Variants in TTLL1 observed in about 807,000 individuals in gnomAD.
TTLL1 encodes the protein TTL family tubulin polyglutamylase complex subunit L1, also known as polyglutamylase complex subunit TTLL1.
A neutral mutation model predicts 47.8 loss-of-function variants in TTLL1; 33 were observed. The ratio of observed to expected loss-of-function variants is 0.69; its 90% CI spans 0.52 to 0.92. TTLL1 has a LOEUF of 0.92. Ranked by LOEUF, TTLL1 falls within the 40% of genes least tolerant of loss-of-function variation. The pLI is 0.00. For missense variants in TTLL1, 488 were observed against 547.5 expected (o/e 0.89, Z 1.08); for synonymous variants, 225 against 214.1 (o/e 1.05, Z -0.45).
chr22:43,058,087 G>A (rs899188085), intron 8 of TTLL1, among the ~76,000 whole-genome samples: 1 of 151,940 alleles, frequency 6.6e-6, no homozygotes, highest in Non-Finnish European at 1.5e-5. Flanking sequence ...GGGACTACAG[G>A]CGCCCACTAC....
At chr22:43,048,330 G>GA (rs569610944) in intron 9 of TTLL1, among the ~76,000 whole-genome samples, 2,197 of 140,998 alleles carry the variant, frequency 0.016, 39 homozygotes, top group South Asian at 0.051. Context: ...AAAAAAGAAA[G>GA]AAAAAAAAAA....
chr22:43,065,539 C>T (rs1927673643), intron 5 of TTLL1, among the ~76,000 whole-genome samples: 2 of 152,062 alleles, frequency 1.3e-5, no homozygotes, highest in Non-Finnish European at 2.9e-5. Flanking sequence ...ATCCGCCTGC[C>T]TTGGCCTCCC....
intron 3 of TTLL1, chr22:43,070,228 G>A: frequency 7.6e-7 from 1 of 1,321,654 alleles, no homozygotes; most frequent in Non-Finnish European, 1.0e-6. Context: ...CCGAAATTCA[G>A]GAAGGTCAAG....
intron 4 of TTLL1, 58 bp from the exon 5 acceptor site, chr22:43,068,648 A>G (rs1927908149): frequency 4.4e-6 from 6 of 1,363,724 alleles, no homozygotes; most frequent in Non-Finnish European, 5.8e-6. Context: ...GGCCATGAAC[A>G]GAAAGATCTT....
chr22:43,080,175 C>G (rs1447251058), intron 1 of TTLL1, among the ~76,000 whole-genome samples, 189 bp from the exon 2 acceptor site: 1 of 152,046 alleles, frequency 6.6e-6, no homozygotes, highest in Non-Finnish European at 1.5e-5. Flanking sequence ...CTGCCTGAGC[C>G]TCCTAAGTAG....
chr22:43,057,952 A>ATT (rs147174964), intron 8 of TTLL1, among the ~76,000 whole-genome samples: 20 of 121,090 alleles, frequency 1.7e-4, no homozygotes, highest in South Asian at 1.4e-3. Context: ...ATATATATAT[A>ATT]TTTTTTTTTT....
intron 9 of TTLL1, among the ~76,000 whole-genome samples, chr22:43,047,288 T>G (rs971373926): frequency 1.3e-5 from 2 of 152,138 alleles, no homozygotes; most frequent in Non-Finnish European, 2.9e-5. Flanking sequence ...GCTCCCTTTT[T>G]GCTAAGAGAG....
intron 7 of TTLL1, among the ~76,000 whole-genome samples, chr22:43,062,822 G>T (rs1040315091): frequency 6.6e-6 from 1 of 151,922 alleles, no homozygotes; most frequent in Non-Finnish European, 1.5e-5. Flanking sequence ...GCGAGACTCC[G>T]CCTCAAAAAG....
In TTLL1 at chr22:43,063,891, T is replaced by C; in HGVS notation, c.669A>G (p.Thr223=). ...CACTGGTACTCGGGGTGTATTTCAC[T>C]GTGCAGAACCGGCAAAACCCAAGCT... ...MYKLGFCRFC[T]VKYTPSTSEL... is the part of the protein sequence containing the mutation. Residue 223 remains threonine (T), a synonymous_variant, in exon 7 of 11, where the codon ACA becomes ACG. Coordinates refer to ENST00000266254, the MANE Select transcript of TTLL1 (RefSeq NM_012263.5). 1.2e-6 allele frequency: 2 copies of C among 1,614,162 alleles called. No individual in the cohort carries two copies. Among genetic ancestry groups the C allele is most frequent in the Non-Finnish European group, 1.7e-6 (2 of 1,180,022 alleles).
intron 2 of TTLL1, among the ~76,000 whole-genome samples, chr22:43,079,545 C>T (rs1393265059): frequency 2.0e-5 from 3 of 152,206 alleles, no homozygotes; most frequent in Non-Finnish European, 4.4e-5. Flanking sequence ...TGGGGACCAC[C>T]CCCCAACCAC....
At chr22:43,056,487 A>T (rs1358284216) in intron 8 of TTLL1, among the ~76,000 whole-genome samples, 4 of 97,954 alleles carry the variant, frequency 4.1e-5, no homozygotes, top group African/African-American at 8.3e-5. Context: ...TTTTTTTTTT[A>T]AAGAGACAGG....
chr22:43,076,271 T>A (rs1377233084), intron 2 of TTLL1, among the ~76,000 whole-genome samples: 7 of 150,768 alleles, frequency 4.6e-5, no homozygotes, highest in Non-Finnish European at 7.4e-5. Flanking sequence ...GCGTGGCCAA[T>A]GTGGTGAAAC....
At chr22:43,073,059 G>C (rs903812674) in intron 3 of TTLL1, among the ~76,000 whole-genome samples, 1 of 151,524 alleles carries the variant, frequency 6.6e-6, no homozygotes, top group Non-Finnish European at 1.5e-5. Flanking sequence ...GTGTCGCCCA[G>C]GCTGGAGTGC....
chr22:43,059,619 G>A, intron 7 of TTLL1, 92 bp from the exon 8 acceptor site: 1 of 1,447,254 alleles, frequency 6.9e-7, no homozygotes, highest in Non-Finnish European at 9.2e-7. Flanking sequence ...TTTCTGGAGT[G>A]CCCCCTGGGT....
chr22:43,072,330 A>C (rs750441156), intron 3 of TTLL1, among the ~76,000 whole-genome samples: 1 of 151,272 alleles, frequency 6.6e-6, no homozygotes, highest in Admixed American at 6.6e-5. Context: ...ATTTTTTTGT[A>C]TTTTTAGTAG....
chr22:43,043,040 A>G (rs932685723), intron 10 of TTLL1, among the ~76,000 whole-genome samples: 1 of 151,216 alleles, frequency 6.6e-6, no homozygotes, highest in Admixed American at 6.6e-5. Flanking sequence ...CCTGGGTTCA[A>G]GCCATTCTCC....
chr22:43,075,554 G>C lies in TTLL1; in HGVS notation c.33C>G (p.Ile11Met), dbSNP rs148475049. Residue 11 changes from isoleucine (I) to methionine (M), a missense_variant, in exon 3 of 11, where the codon ATC becomes ATG. Physicochemically the swap from Ile to Met is conservative, Grantham distance 10. Transcript: ENST00000266254. ...AGTTATTGATCAGCACTGACTTCTC[G>C]ATATCAGTGACCCATTTTACTTTCC... MAGKVKWVTD[I>M]EKSVLINNFE... The C allele has an allele frequency of 1.9e-6, 3 of 1,614,100 alleles. No homozygotes were observed. Among genetic ancestry groups the C allele is most frequent in the Non-Finnish European group, 2.5e-6 (3 of 1,180,026 alleles).
intron 9 of TTLL1, among the ~76,000 whole-genome samples, chr22:43,048,622 G>C (rs1318808897): frequency 6.6e-6 from 1 of 151,026 alleles, no homozygotes. Context: ...CTGGAACACA[G>C]AGCGAGACTT....
At chr22:43,069,331 G>A (rs1927955143) in intron 4 of TTLL1, among the ~76,000 whole-genome samples, 1 of 149,886 alleles carries the variant, frequency 6.7e-6, no homozygotes, top group Non-Finnish European at 1.5e-5. Context: ...GGCGGAGGTT[G>A]CAGTGAGCTG....
Sources: allele counts gnomAD v4.1 joint callset (sites outside exome capture counted in the v4.1 genomes callset), GRCh38; gene constraint gnomAD v4.1.1; transcripts MANE v1.5; gene names NCBI Gene and HGNC (gene_info 2026-07-23, HGNC 2026-07-21).